LRRTM4: variants seen among roughly 807,000 people sequenced by gnomAD.
The protein encoded by LRRTM4 is leucine rich repeat transmembrane neuronal 4.
LRRTM4 carries 25 observed loss-of-function variants against 47.6 expected under a neutral mutation model. That is an observed-to-expected ratio of 0.53 (90% CI 0.38 to 0.73). LRRTM4 has a LOEUF of 0.73. LRRTM4 is among the 30% of genes least tolerant of loss of function. The probability of loss-of-function intolerance (pLI) is 0.00; values close to 1 mark genes in which losing one functional copy is unlikely to be tolerated. For missense variants in LRRTM4, 638 were observed against 713.4 expected (o/e 0.89, Z 1.20); for synonymous variants, 311 against 269.5 (o/e 1.15, Z -1.51).
intron 3 of LRRTM4, among the ~76,000 whole-genome samples, chr2:77,111,627 T>C (rs960132681): frequency 2.6e-5 from 4 of 152,130 alleles, no homozygotes; most frequent in African/African-American, 9.7e-5. Flanking sequence ...AGATTTCCTG[T>C]GTCCAGGGTC....
chr2:76,869,345 C>T (rs1207693610), intron 3 of LRRTM4, among the ~76,000 whole-genome samples: 1 of 151,924 alleles, frequency 6.6e-6, no homozygotes, highest in Non-Finnish European at 1.5e-5. Flanking sequence ...CAGAAAATTT[C>T]CAGTGGCAGG....
At chr2:76,990,067 T>C (rs1456171333) in intron 3 of LRRTM4, 1 of 151,800 alleles carries the variant, frequency 6.6e-6, no homozygotes, top group African/African-American at 2.4e-5. Flanking sequence ...AAAAGTTCTT[T>C]CTGGGTAAAT....
At chr2:77,075,979 A>T (rs186318228) in intron 3 of LRRTM4, among the ~76,000 whole-genome samples, 1 of 150,590 alleles carries the variant, frequency 6.6e-6, no homozygotes, top group East Asian at 2.0e-4. Context: ...TGATAAGGTC[A>T]TTCATTCTGA....
intron 3 of LRRTM4, among the ~76,000 whole-genome samples, chr2:77,058,041 G>C (rs1679665404): frequency 6.6e-6 from 1 of 152,072 alleles, no homozygotes; most frequent in African/African-American, 2.4e-5. Context: ...CAATATTTTA[G>C]ATTTTTCATG....
At chr2:76,813,030 G>C (rs779043360) in intron 3 of LRRTM4, among the ~76,000 whole-genome samples, 3 of 151,940 alleles carry the variant, frequency 2.0e-5, no homozygotes, top group Non-Finnish European at 4.4e-5. Context: ...CTGGCATGGT[G>C]GTGGGCACCC....
At chr2:77,202,396 C>T (rs1279191189) in intron 3 of LRRTM4, among the ~76,000 whole-genome samples, 1 of 152,030 alleles carries the variant, frequency 6.6e-6, no homozygotes, top group African/African-American at 2.4e-5. Flanking sequence ...AATATTACTA[C>T]CAATTATTAT....
At chr2:77,512,950 G>T (rs994012323) in intron 3 of LRRTM4, among the ~76,000 whole-genome samples, 1 of 152,042 alleles carries the variant, frequency 6.6e-6, no homozygotes, top group African/African-American at 2.4e-5. Flanking sequence ...TAGCTATGTC[G>T]GTCTTTTTTT....
chr2:77,036,580 T>A (rs1275421165), intron 3 of LRRTM4, among the ~76,000 whole-genome samples: 1 of 151,720 alleles, frequency 6.6e-6, no homozygotes, highest in African/African-American at 2.4e-5. Flanking sequence ...ATGTTTCAGT[T>A]TTTCTTTTTG....
intron 3 of LRRTM4, among the ~76,000 whole-genome samples, chr2:77,321,385 T>C (rs1371873065): frequency 6.6e-6 from 1 of 152,038 alleles, no homozygotes; most frequent in African/African-American, 2.4e-5. Context: ...TATTTTCTGA[T>C]CTAAATCAGT....
rs754540782 is a variant in LRRTM4 at position 77,207,866 on chromosome 2, C to CTTTTTTTTTTTTT, written c.1551+310439_1551+310451dup. On this transcript the variant is annotated intron_variant, in intron 3 of 3. Transcript: ENST00000409884. ...ATGAAAGTTGAATAAGGGAAAGTGGCTTTTTTTTTTTTTTTTTTTTTTTTT... is the reference window on the plus strand; with the variant it reads ...ATGAAAGTTGAATAAGGGAAAGTGGCTTTTTTTTTTTTTTTTTTTTTTTTTTTTTTTTTTTTTT... Among the ~76,000 whole-genome samples the CTTTTTTTTTTTTT allele has an allele frequency of 2.3e-4, 10 of 42,614 alleles. 3 individuals are homozygous for CTTTTTTTTTTTTT. The highest frequency in any genetic ancestry group is 8.3e-4 in the East Asian group (1 of 1,198). The allele number at this position is 42,614 out of a possible 152,430, so 28.0% of individuals were successfully genotyped here.
intron 3 of LRRTM4, among the ~76,000 whole-genome samples, chr2:77,276,092 A>T (rs1676341621): frequency 6.6e-6 from 1 of 152,070 alleles, no homozygotes; most frequent in South Asian, 2.1e-4. Flanking sequence ...AAAAAATGAT[A>T]TTCAATCTAT....
intron 3 of LRRTM4, among the ~76,000 whole-genome samples, chr2:77,071,371 C>A (rs1253875123): frequency 1.3e-5 from 2 of 152,040 alleles, no homozygotes; most frequent in African/African-American, 4.8e-5. Flanking sequence ...ATTAAATTTC[C>A]AATATGCATT....
At chr2:76,988,577 A>C (rs777230406) in intron 3 of LRRTM4, among the ~76,000 whole-genome samples, 1 of 151,920 alleles carries the variant, frequency 6.6e-6, no homozygotes, top group Non-Finnish European at 1.5e-5. Flanking sequence ...CGAATTCCTC[A>C]AAAAGAAACA....
chr2:77,138,374 T>C (rs901932244), intron 3 of LRRTM4, among the ~76,000 whole-genome samples: 7 of 152,146 alleles, frequency 4.6e-5, no homozygotes, highest in African/African-American at 1.4e-4. Context: ...GAATGACTAC[T>C]GGGTACATAA....
At chr2:77,112,971 AC>A (rs1230503693) in intron 3 of LRRTM4, among the ~76,000 whole-genome samples, 6 of 152,106 alleles carry the variant, frequency 3.9e-5, no homozygotes, top group Admixed American at 3.9e-4. Flanking sequence ...AGATTTTTCA[AC>A]CCCGTCTTGT....
At chr2:77,475,042 C>T (rs1369591655) in intron 3 of LRRTM4, among the ~76,000 whole-genome samples, 2 of 152,036 alleles carry the variant, frequency 1.3e-5, no homozygotes, top group African/African-American at 2.4e-5. Context: ...TTGTAGACAA[C>T]TGACTTTTTG....
chr2:77,332,964 C>G (rs575994612), intron 3 of LRRTM4, among the ~76,000 whole-genome samples: 2 of 152,266 alleles, frequency 1.3e-5, no homozygotes, highest in African/African-American at 4.8e-5. Flanking sequence ...GATTGAATTA[C>G]AGGGGCGGGT....
At chr2:76,782,629 CG>C (rs1416803131) in intron 3 of LRRTM4, among the ~76,000 whole-genome samples, 6 of 152,114 alleles carry the variant, frequency 3.9e-5, no homozygotes, top group Admixed American at 1.3e-4. Flanking sequence ...ATGCCCTGCA[CG>C]GGTCTGTGCT....
chr2:76,948,313 G>C (rs887059628), intron 3 of LRRTM4, among the ~76,000 whole-genome samples: 1 of 151,850 alleles, frequency 6.6e-6, no homozygotes, highest in Non-Finnish European at 1.5e-5. Context: ...AATTAGAATG[G>C]AGAGGTGTGT....
Sources: gnomAD v4.1 joint callset for allele counts (sites outside exome capture counted in the v4.1 genomes callset) on GRCh38, gnomAD v4.1.1 for gene constraint, MANE v1.5 for transcripts, NCBI Gene and HGNC (gene_info 2026-07-23, HGNC 2026-07-21) for gene names.